CCDC141: variants seen among roughly 807,000 people sequenced by gnomAD.
CCDC141 encodes the protein coiled-coil domain containing 141.
A neutral mutation model predicts 181.0 loss-of-function variants in CCDC141; 168 were observed. That is an observed-to-expected ratio of 0.93 (90% confidence interval 0.82 to 1.05). CCDC141 has a LOEUF of 1.05. Ranked by LOEUF, CCDC141 falls within the 50% of genes least tolerant of loss-of-function variation. CCDC141 has a pLI of 0.00. For synonymous variants in CCDC141, 666 were observed against 642.3 expected (o/e 1.04, Z -0.56); for missense variants, 1,902 against 1,788.5 (o/e 1.06, Z -1.14).
chr2:178,862,157 G>A (rs1447098046), intron 17 of CCDC141, among the ~76,000 whole-genome samples: 1 of 152,180 alleles, frequency 6.6e-6, no homozygotes, highest in Non-Finnish European at 1.5e-5. Context: ...AAGAATTTGT[G>A]CCATTAGAAC....
rs201156946 is a variant in CCDC141, at chr2:178,893,788, T to TTCTC, written c.1266-5124_1266-5121dup. 4.8e-4 allele frequency among the ~76,000 whole-genome samples: 66 copies of TTCTC among 137,644 alleles called. 1 individual carries two copies. In the South Asian group the frequency reaches 0.011, roughly 23 times the overall value. 90.3% of individuals were successfully genotyped at this position (137,644 alleles called of 152,430 possible). A position where few individuals can be genotyped will look rare whatever the true frequency, so the allele number is the denominator to read the frequency against. Reference sequence around the variant, plus strand: ...TTTGAAAATTTCTCCCACCAAACATTTCTCTCTCTCTCACACACACACACA... The same window carrying TTCTC: ...TTTGAAAATTTCTCCCACCAAACATTTCTCTCTCTCTCTCTCACACACACACACA... On this transcript the variant is annotated intron_variant, in intron 8 of 23. Transcript: ENST00000443758.
chr2:178,891,773 ATC>A (rs34185031), intron 8 of CCDC141, among the ~76,000 whole-genome samples: 63,460 of 148,652 alleles, frequency 0.43, 13,631 homozygotes, highest in East Asian at 0.83. Flanking sequence ...ATCATATAGG[ATC>A]TCTCTCTCTC....
Position 178,837,170 on chromosome 2 carries a change from T to C in CCDC141, c.4049A>G (p.His1350Arg), listed in dbSNP as rs772121479. Residue 1350 changes from histidine to arginine, a missense_variant, in exon 23 of 24, where the codon CAT (histidine) becomes CGT (arginine). Physicochemically the swap from His to Arg is conservative, Grantham distance 29. Transcript: ENST00000443758. ...GGLLETREKM[H>R]ADNNFTKTQD... ...GGTTTTAGTGAAGTTATTATCAGCA[T>C]GCATTTTCTCCCGTGTTTCTAGCAA... 5 of 1,613,874 alleles carry C rather than the reference T, an allele frequency of 3.1e-6. No homozygotes were observed. In the African/African-American group the frequency reaches 4.0e-5, roughly 13 times the overall value.
At chr2:178,943,630 A>T (rs1689610490) in intron 6 of CCDC141, among the ~76,000 whole-genome samples, 1 of 152,078 alleles carries the variant, frequency 6.6e-6, no homozygotes, top group Non-Finnish European at 1.5e-5. Context: ...CTAAAATATT[A>T]ATATACAAAG....
At chr2:178,860,197 T>C (rs904220011) in intron 17 of CCDC141, among the ~76,000 whole-genome samples, 6 of 152,294 alleles carry the variant, frequency 3.9e-5, no homozygotes, top group South Asian at 2.1e-4. Flanking sequence ...GCTGTGATGT[T>C]ATCACCTCCC....
intron 2 of CCDC141, among the ~76,000 whole-genome samples, chr2:178,990,859 A>T (rs563509691): frequency 6.6e-6 from 1 of 152,180 alleles, no homozygotes; most frequent in East Asian, 1.9e-4. Context: ...GGCTGATGGA[A>T]AGGTTTTGGA....
intron 5 of CCDC141, among the ~76,000 whole-genome samples, chr2:178,949,638 G>C (rs1418931861): frequency 6.6e-6 from 1 of 152,158 alleles, no homozygotes; most frequent in Non-Finnish European, 1.5e-5. Flanking sequence ...CACAGAAATA[G>C]GTCCCGTATA....
chr2:179,026,824 C>T (rs147237386), intron 2 of CCDC141, among the ~76,000 whole-genome samples: 264 of 152,350 alleles, frequency 1.7e-3, no homozygotes, highest in South Asian at 0.016. Flanking sequence ...ATCAGCATGA[C>T]CTGGAGGTGA....
intron 17 of CCDC141, among the ~76,000 whole-genome samples, chr2:178,857,698 A>G (rs1485365804): frequency 6.6e-6 from 1 of 152,188 alleles, no homozygotes; most frequent in Non-Finnish European, 1.5e-5. Context: ...CTCAGATTAT[A>G]TGGAGGCATT....
At chr2:178,946,258 C>T (rs920837511) in intron 5 of CCDC141, among the ~76,000 whole-genome samples, 1 of 151,888 alleles carries the variant, frequency 6.6e-6, no homozygotes, top group Non-Finnish European at 1.5e-5. Context: ...TTCTGGTATC[C>T]AATTAGAGCT....
rs1159578698 is a variant in CCDC141 at position 178,832,684 on chromosome 2, TTAA to T, written c.*1486_*1488del. The T allele has an allele frequency of 6.6e-6, 1 of 152,128 alleles. No individual in the cohort carries two copies. Among genetic ancestry groups the T allele is most frequent in the Non-Finnish European group, 1.5e-5 (1 of 68,010 alleles). 9.4% of individuals were successfully genotyped at this position (152,128 alleles called of 1,614,324 possible). Reference sequence around the variant, plus strand: ...TCTTCAGATAACATTCAGTAACTTTTTAATAACAACTTGAATACATTACATTTA... The same window carrying T: ...TCTTCAGATAACATTCAGTAACTTTTTAACAACTTGAATACATTACATTTA... On this transcript the variant is annotated 3_prime_UTR_variant, in exon 24 of 24. Coordinates refer to ENST00000443758, the MANE Select transcript of CCDC141 (RefSeq NM_173648.4).
chr2:178,850,422 A>C (rs556761515), intron 20 of CCDC141, among the ~76,000 whole-genome samples: 73 of 152,322 alleles, frequency 4.8e-4, no homozygotes, highest in Non-Finnish European at 8.4e-4. Flanking sequence ...TTAAAGCTCA[A>C]TTCTCCTTAG....
chr2:178,894,460 T>C (rs13426858), intron 8 of CCDC141, among the ~76,000 whole-genome samples: 7,272 of 151,282 alleles, frequency 0.048, 465 homozygotes, highest in South Asian at 0.22. Flanking sequence ...AGAAAATAAG[T>C]ACAGCAATCT....
chr2:178,919,778 C>A (rs891358995), intron 6 of CCDC141, among the ~76,000 whole-genome samples: 1 of 152,232 alleles, frequency 6.6e-6, no homozygotes, highest in South Asian at 2.1e-4. Context: ...GTGGTTTTTG[C>A]CATTAAAAGT....
chr2:178,989,570 G>A (rs969155379), intron 2 of CCDC141, among the ~76,000 whole-genome samples: 1 of 146,350 alleles, frequency 6.8e-6, no homozygotes, highest in Non-Finnish European at 1.5e-5. Context: ...CTCCAGCCTG[G>A]GTGAGAGAGC....
Position 178,856,378 on chromosome 2 carries a change from T to A in CCDC141, c.2744A>T (p.Asp915Val), listed in dbSNP as rs977866830. The change falls in exon 18 of 24, where the codon GAT becomes GTT. Residue 915 changes from aspartate to valine, a missense_variant. Coordinates refer to ENST00000443758, the MANE Select transcript of CCDC141 (RefSeq NM_173648.4). ...CAAATTATTGAATTTCTTTTTGATA[T>A]CTTTGAATGAGTCTTTGAGCTGTAG... The part of the protein sequence containing the change: ...EINELKDSFK[D>V]IKKKFNNLKF... 2 of 1,594,698 alleles carry A rather than the reference T, an allele frequency of 1.3e-6. No homozygotes were observed. Among genetic ancestry groups the A allele is most frequent in the Non-Finnish European group, 1.7e-6 (2 of 1,166,678 alleles).
At chr2:179,015,551 C>CAT (rs151332465) in intron 2 of CCDC141, among the ~76,000 whole-genome samples, 14,773 of 31,288 alleles carry the variant, frequency 0.47, 4,749 homozygotes, top group East Asian at 0.73. Context: ...ATATATATCT[C>CAT]ATATCTCATA....
At chr2:178,930,556 T>G (rs1689063691) in intron 6 of CCDC141, among the ~76,000 whole-genome samples, 1 of 152,092 alleles carries the variant, frequency 6.6e-6, no homozygotes, top group African/African-American at 2.4e-5. Flanking sequence ...ATTTTAAAAC[T>G]TACTACAATC....
intron 2 of CCDC141, among the ~76,000 whole-genome samples, chr2:178,988,317 T>G (rs1691854872): frequency 2.0e-5 from 2 of 98,552 alleles, no homozygotes; most frequent in African/African-American, 8.2e-5. Context: ...TGGGGACTGT[T>G]GTGGGGTGGG....
Sources: gnomAD v4.1 joint callset for allele counts (sites outside exome capture counted in the v4.1 genomes callset) on GRCh38, gnomAD v4.1.1 for gene constraint, MANE v1.5 for transcripts, NCBI Gene and HGNC (gene_info 2026-07-23, HGNC 2026-07-21) for gene names.